Variants in RDH14 observed in about 807,000 individuals in gnomAD.
RDH14 encodes retinol dehydrogenase 14.
A neutral mutation model predicts 19.3 loss-of-function variants in RDH14; 17 were observed. The ratio of observed to expected loss-of-function variants is 0.88; its 90% CI spans 0.60 to 1.32. The LOEUF (loss-of-function observed/expected upper bound fraction) is 1.32, where lower values mean the gene tolerates loss of function less well. RDH14 is among the 40% of genes most tolerant of loss of function. The pLI is 0.00. For missense variants in RDH14, 534 were observed against 449.2 expected (o/e 1.19, Z -1.71); for synonymous variants, 215 against 188.9 (o/e 1.14, Z -1.13).
chr2:18,558,399 C>T (rs1203792327), intron 1 of RDH14, among the ~76,000 whole-genome samples: 1 of 152,116 alleles, frequency 6.6e-6, no homozygotes, highest in African/African-American at 2.4e-5. Flanking sequence ...GAAAATAAAT[C>T]TCAGAACCCA....
Position 18,560,164 on chromosome 2 carries a change from C to G in RDH14, c.393+16G>C. ...CCCAGGCCCTCCCCACCAGCCCGGC[C>G]CCCCGAGGCCCACACCTGGAGCATT... On this transcript the variant is annotated intron_variant, in intron 1 of 1. Coordinates refer to ENST00000381249, the MANE Select transcript of RDH14 (RefSeq NM_020905.4). 1 of 1,524,404 alleles carries G rather than the reference C, an allele frequency of 6.6e-7. No homozygotes were observed. Among genetic ancestry groups the G allele is most frequent in the South Asian group, 1.2e-5 (1 of 83,728 alleles). 94.4% of individuals were successfully genotyped at this position (1,524,404 alleles called of 1,614,324 possible).
intron 1 of RDH14, among the ~76,000 whole-genome samples, chr2:18,556,588 C>G (rs558697013): frequency 1.3e-5 from 2 of 152,170 alleles, no homozygotes; most frequent in Non-Finnish European, 1.5e-5. Context: ...AGCTCACAGG[C>G]TAGGTGACTT....
At position 18,560,506 on chromosome 2, in the gene RDH14, G is replaced by T. The variant is rs548024692; in HGVS notation, c.67C>A (p.Arg23=). 1.3e-6 allele frequency: 2 copies of T among 1,511,500 alleles called. No individual in the cohort carries two copies. Among genetic ancestry groups the T allele is most frequent in the Non-Finnish European group, 1.8e-6 (2 of 1,137,976 alleles). 93.6% of individuals were successfully genotyped at this position (1,511,500 alleles called of 1,614,324 possible). A position where few individuals can be genotyped will look rare whatever the true frequency, so the allele number is the denominator to read the frequency against. The change falls in exon 1 of 2, where the codon CGG becomes AGG. Residue 23 remains arginine, a synonymous_variant. Transcript: ENST00000381249. ...CGCTGGACCCTGGGCCCCACGAACC[G>T]GCGGGCCGCCAGCCACAGCGCCCCG... The part of the protein sequence containing the change: ...LGGALWLAAR[R]FVGPRVQRLR...
rs1370424346 is a variant in RDH14 at position 18,560,302 on chromosome 2, G to A, written c.271C>T (p.Leu91Phe). ...GGGCCGCACTCCGCGGCCTGGCGGAGCTCGCGGCGGAGCTGACCCGCCGCC... is the reference window on the plus strand; with the variant it reads ...GGGCCGCACTCCGCGGCCTGGCGGAACTCGCGGCGGAGCTGACCCGCCGCC... ...EEAAGQLRRELRQAAECGPEP... is the reference protein window; with the variant it reads ...EEAAGQLRREFRQAAECGPEP... Residue 91 changes from leucine to phenylalanine, a missense_variant, in exon 1 of 2, where the codon CTC becomes TTC. By Grantham distance (22) the Leu-to-Phe change is conservative. Coordinates refer to ENST00000381249, the MANE Select transcript of RDH14 (RefSeq NM_020905.4). The A allele has an allele frequency of 6.8e-7, 1 of 1,476,674 alleles. No homozygotes were observed. Among genetic ancestry groups the A allele is most frequent in the Admixed American group, 2.4e-5 (1 of 42,000 alleles). 91.5% of individuals were successfully genotyped at this position (1,476,674 alleles called of 1,614,324 possible). A position where few individuals can be genotyped will look rare whatever the true frequency, so the allele number is the denominator to read the frequency against.
Position 18,555,466 on chromosome 2 carries a change from G to A in RDH14, c.736C>T (p.His246Tyr), listed in dbSNP as rs1282028365. The change falls in exon 2 of 2, where the codon CAT becomes TAT. Residue 246 changes from histidine to tyrosine, a missense_variant. Transcript: ENST00000381249. ...EGTNVTVNVL[H>Y]PGIVRTNLGR... ...AGATTTGTCCGTACAATACCAGGAT[G>A]CAACACATTGACGGTGACATTTGTG... 1 of 1,614,182 alleles carries A rather than the reference G, an allele frequency of 6.2e-7. No homozygotes were observed. The highest frequency in any genetic ancestry group is 1.7e-5 in the Admixed American group (1 of 60,020).
chr2:18,558,463 G>A (rs1663983404), intron 1 of RDH14, among the ~76,000 whole-genome samples: 1 of 152,166 alleles, frequency 6.6e-6, no homozygotes, highest in African/African-American at 2.4e-5. Flanking sequence ...AGACAAACCT[G>A]CCTCCCATTT....
intron 1 of RDH14, among the ~76,000 whole-genome samples, chr2:18,558,033 C>T (rs927439126): frequency 1.3e-5 from 2 of 152,180 alleles, no homozygotes; most frequent in African/African-American, 4.8e-5. Flanking sequence ...TGCTCAATAC[C>T]TCAAAACTAC....
chr2:18,555,879 A>G (rs1663903997), intron 1 of RDH14, 71 bp from the exon 2 acceptor site: 3 of 1,500,804 alleles, frequency 2.0e-6, no homozygotes, highest in Non-Finnish European at 2.7e-6. Flanking sequence ...TCTGTTCATG[A>G]TAATTACATT....
chr2:18,558,139 G>T (rs1663975414), intron 1 of RDH14, among the ~76,000 whole-genome samples: 1 of 152,104 alleles, frequency 6.6e-6, no homozygotes, highest in East Asian at 1.9e-4. Flanking sequence ...GCAGCTGTTA[G>T]CAGTTGCTGT....
chr2:18,557,126 T>A (rs1253642338), intron 1 of RDH14, among the ~76,000 whole-genome samples: 1 of 152,244 alleles, frequency 6.6e-6, no homozygotes, highest in East Asian at 1.9e-4. Flanking sequence ...AAATTTAGAC[T>A]GTTCTCATAG....
At chr2:18,558,003 G>A (rs750668050) in intron 1 of RDH14, among the ~76,000 whole-genome samples, 1 of 152,202 alleles carries the variant, frequency 6.6e-6, no homozygotes, top group African/African-American at 2.4e-5. Context: ...TTAAATTTTC[G>A]AGGGAAACAC....
At position 18,560,514 on chromosome 2, in the gene RDH14, G is replaced by A. The variant is rs767024281; in HGVS notation, c.59C>T (p.Ala20Val). The change falls in exon 1 of 2, where the codon GCG (alanine) becomes GTG (valine). Residue 20 changes from alanine (A) to valine (V), a missense_variant. Physicochemically the swap from Ala to Val is moderately conservative, Grantham distance 64 (BLOSUM62 0). Coordinates refer to ENST00000381249, the MANE Select transcript of RDH14 (RefSeq NM_020905.4). ...LAALGGALWL[A>V]ARRFVGPRVQ... ...CCTGGGCCCCACGAACCGGCGGGCC[G>A]CCAGCCACAGCGCCCCGCCCAGAGC... 6.0e-6 allele frequency: 9 copies of A among 1,509,076 alleles called. No homozygotes were observed. Among genetic ancestry groups the A allele is most frequent in the African/African-American group, 1.4e-5 (1 of 69,512 alleles). 93.5% of individuals were successfully genotyped at this position (1,509,076 alleles called of 1,614,324 possible).
Position 18,555,092 on chromosome 2 carries a change from ATTC to A in RDH14, c.*96_*98del. 1 of 1,510,504 alleles carries A rather than the reference ATTC, an allele frequency of 6.6e-7. No homozygotes were observed. The highest frequency in any genetic ancestry group is 8.8e-7 in the Non-Finnish European group (1 of 1,132,598). The allele number at this position is 1,510,504 out of a possible 1,614,324, so 93.6% of individuals were successfully genotyped here. A position where few individuals can be genotyped will look rare whatever the true frequency, so the allele number is the denominator to read the frequency against. On this transcript the variant is annotated 3_prime_UTR_variant, in exon 2 of 2. Transcript: ENST00000381249. ...CTTAGCAGGCTATTCCAATATCAAA[ATTC>A]TTTTTCTTCAAGTAACAAGTTCTCA...
Position 18,557,994 on chromosome 2 carries a change from T to A in RDH14, c.393+2186A>T, listed in dbSNP as rs546201177. On this transcript the variant is annotated intron_variant, in intron 1 of 1. Coordinates refer to ENST00000381249, the MANE Select transcript of RDH14 (RefSeq NM_020905.4). ...ACTCTCAGGGTGTTGTGGAATATTT[T>A]AAATTTTCGAGGGAAACACAGTGAT... 3.9e-5 allele frequency among the ~76,000 whole-genome samples: 6 copies of A among 152,356 alleles called. No individual in the cohort carries two copies. In the South Asian group the frequency reaches 1.2e-3, roughly 32 times the overall value.
At chr2:18,559,026 A>G (rs1664003190) in intron 1 of RDH14, among the ~76,000 whole-genome samples, 1 of 152,208 alleles carries the variant, frequency 6.6e-6, no homozygotes, top group Non-Finnish European at 1.5e-5. Context: ...TGCATCCTTA[A>G]CCTTGGCAAA....
Position 18,555,478 on chromosome 2 carries a change from C to T in RDH14, c.724G>A (p.Val242Ile), listed in dbSNP as rs774100498. 2.6e-5 allele frequency: 42 copies of T among 1,613,998 alleles called. No individual in the cohort carries two copies. Among genetic ancestry groups the T allele is most frequent in the South Asian group, 3.3e-5 (3 of 91,088 alleles). The change falls in exon 2 of 2, where the codon GTC becomes ATC. Residue 242 changes from valine to isoleucine, a missense_variant. Val to Ile is a conservative substitution (Grantham distance 29). Transcript: ENST00000381249. ...ARRLEGTNVT[V>I]NVLHPGIVRT... ...ACAATACCAGGATGCAACACATTGA[C>T]GGTGACATTTGTGCCTTCTAAGCGG...
chr2:18,557,467 A>C (rs1326063906), intron 1 of RDH14, among the ~76,000 whole-genome samples: 3 of 152,260 alleles, frequency 2.0e-5, no homozygotes, highest in African/African-American at 7.2e-5. Flanking sequence ...GGGGAAAGAA[A>C]GGAGTATTCT....
chr2:18,560,451 A>C lies in RDH14; in HGVS notation c.122T>G (p.Met41Arg), dbSNP rs943587445. Residue 41 changes from methionine (M) to arginine (R), a missense_variant, in exon 1 of 2, where the codon ATG becomes AGG. By Grantham distance (91) the Met-to-Arg change is moderately conservative. Transcript: ENST00000381249. ...RLRRGGDPGL[M>R]HGKTVLITGA... The stretch of plus-strand genomic sequence containing the variant: ...GGTGATCAGCACAGTCTTCCCGTGC[A>C]TGAGGCCGGGGTCCCCGCCTCTGCG... 2.0e-4 allele frequency: 304 copies of C among 1,513,930 alleles called. No homozygotes were observed. The highest frequency in any genetic ancestry group is 2.6e-4 in the Non-Finnish European group (300 of 1,139,244). The allele number at this position is 1,513,930 out of a possible 1,614,324, so 93.8% of individuals were successfully genotyped here.
chr2:18,555,070 A>G lies in RDH14; in HGVS notation c.*121T>C. ...TCCAAAATACCCACATGTACCTCTT[A>G]GCAGGCTATTCCAATATCAAAATTC... is the stretch of plus-strand genomic sequence containing the variant. On this transcript the variant is annotated 3_prime_UTR_variant, in exon 2 of 2. Transcript: ENST00000381249. 1.4e-6 allele frequency: 2 copies of G among 1,458,702 alleles called. No individual in the cohort carries two copies. Among genetic ancestry groups the G allele is most frequent in the East Asian group, 2.3e-5 (1 of 43,628 alleles). The allele number at this position is 1,458,702 out of a possible 1,614,324, so 90.4% of individuals were successfully genotyped here.
Sources: allele counts gnomAD v4.1 joint callset (sites outside exome capture counted in the v4.1 genomes callset), GRCh38; gene constraint gnomAD v4.1.1; transcripts MANE v1.5; gene names NCBI Gene and HGNC (gene_info 2026-07-23, HGNC 2026-07-21).